Variants in FBXL7 observed in about 807,000 individuals in gnomAD.
FBXL7 encodes the protein F-box and leucine rich repeat protein 7, also known as F-box/LRR-repeat protein 7.
Under a neutral mutation model 38.3 loss-of-function variants are expected in FBXL7, and 12 were observed. That is an observed-to-expected ratio of 0.31 (90% CI 0.20 to 0.51). FBXL7 has a LOEUF of 0.51. FBXL7 is among the 20% of genes least tolerant of loss of function. The pLI is 0.98. For synonymous variants in FBXL7, 297 were observed against 300.9 expected (o/e 0.99, Z 0.13); for missense variants, 567 against 676.4 (o/e 0.84, Z 1.79).
intron 1 of FBXL7, among the ~76,000 whole-genome samples, chr5:15,535,767 C>G (rs1364592688): frequency 6.6e-6 from 1 of 152,168 alleles, no homozygotes; most frequent in Non-Finnish European, 1.5e-5. Context: ...AAATGTGAAG[C>G]CTGACTATGT....
At chr5:15,679,579 A>G (rs1742780053) in intron 2 of FBXL7, among the ~76,000 whole-genome samples, 1 of 136,604 alleles carries the variant, frequency 7.3e-6, no homozygotes, top group African/African-American at 2.8e-5. Context: ...TTTTTTTTTC[A>G]GAATGGTGTC....
chr5:15,537,748 G>A (rs1737627591), intron 1 of FBXL7, among the ~76,000 whole-genome samples: 1 of 152,226 alleles, frequency 6.6e-6, no homozygotes, highest in Non-Finnish European at 1.5e-5. Flanking sequence ...GCAAAAAGAT[G>A]TTGATTATTT....
At chr5:15,866,027 A>G (rs1739695370) in intron 2 of FBXL7, among the ~76,000 whole-genome samples, 1 of 152,222 alleles carries the variant, frequency 6.6e-6, no homozygotes, top group Non-Finnish European at 1.5e-5. Flanking sequence ...TAAAGATGAC[A>G]ACAATGGGAC....
intron 2 of FBXL7, among the ~76,000 whole-genome samples, chr5:15,660,809 G>A (rs1034738532): frequency 6.6e-6 from 1 of 152,124 alleles, no homozygotes; most frequent in African/African-American, 2.4e-5. Flanking sequence ...GCCAAGGTGG[G>A]CTGTTAAGAT....
At chr5:15,675,318 T>A (rs1297078445) in intron 2 of FBXL7, among the ~76,000 whole-genome samples, 3 of 152,236 alleles carry the variant, frequency 2.0e-5, no homozygotes, top group Non-Finnish European at 2.9e-5. Flanking sequence ...TTGTCCTGAA[T>A]CTAGGCATTA....
At position 15,937,533 on chromosome 5, in the gene FBXL7, C is replaced by A; in HGVS notation, c.*347C>A. Reference sequence around the variant, plus strand: ...CTTTCCCTCGCACACAGGCCCCACCCCCACAGTTCCACGCCCCCCCCCCAA... The same window carrying A: ...CTTTCCCTCGCACACAGGCCCCACCACCACAGTTCCACGCCCCCCCCCCAA... On this transcript the variant is annotated 3_prime_UTR_variant, in exon 4 of 4. Coordinates refer to ENST00000504595, the MANE Select transcript of FBXL7 (RefSeq NM_012304.5). 1 of 200,478 alleles carries A rather than the reference C, an allele frequency of 5.0e-6. No individual in the cohort carries two copies. Among genetic ancestry groups the A allele is most frequent in the Non-Finnish European group, 9.6e-6 (1 of 104,606 alleles). The allele number at this position is 200,478 out of a possible 1,614,324, so 12.4% of individuals were successfully genotyped here.
intron 2 of FBXL7, among the ~76,000 whole-genome samples, chr5:15,893,377 T>G (rs1740990950): frequency 6.6e-6 from 1 of 152,218 alleles, no homozygotes; most frequent in Admixed American, 6.5e-5. Flanking sequence ...TTTGTATTCA[T>G]TTTAATAATC....
In FBXL7 at chr5:15,500,429, C is replaced by G. The variant is rs1312562521; in HGVS notation, c.-248C>G. ...TGCGCGGCGCTGCGCCCGCCGGCCCCCAGCGCGGATTGTAAGTGCTGCAGC... is the reference window on the plus strand; with the variant it reads ...TGCGCGGCGCTGCGCCCGCCGGCCCGCAGCGCGGATTGTAAGTGCTGCAGC... On this transcript the variant is annotated 5_prime_UTR_variant, in exon 1 of 4. Transcript: ENST00000504595. 8.5e-6 allele frequency: 4 copies of G among 469,962 alleles called. No homozygotes were observed. The Admixed American group carries it at 1.4e-4, about 16-fold the overall frequency. The allele number at this position is 469,962 out of a possible 1,614,324, so 29.1% of individuals were successfully genotyped here.
At chr5:15,580,083 T>G (rs753128364) in intron 1 of FBXL7, among the ~76,000 whole-genome samples, 43 of 151,990 alleles carry the variant, frequency 2.8e-4, no homozygotes, top group Non-Finnish European at 4.3e-4. Flanking sequence ...GGTGGGGTCT[T>G]TGGGAGGTAA....
rs1238279137 is a variant in FBXL7, at chr5:15,574,795, A to G, written c.38-41188A>G. Among the ~76,000 whole-genome samples the G allele has an allele frequency of 3.9e-5, 6 of 152,208 alleles. No homozygotes were observed. In the East Asian group the frequency reaches 1.2e-3, roughly 29 times the overall value. ...TTAGGTCATTTGCTTTAAATGAAAT[A>G]CTAGTGCTTGTTGATGTAGGAATTG... On this transcript the variant is annotated intron_variant, in intron 1 of 3. Transcript: ENST00000504595.
chr5:15,899,709 A>G (rs1281614506), intron 2 of FBXL7, among the ~76,000 whole-genome samples: 1 of 152,186 alleles, frequency 6.6e-6, no homozygotes, highest in East Asian at 1.9e-4. Context: ...TGAAAGGGAA[A>G]TCTGAAACAA....
intron 2 of FBXL7, among the ~76,000 whole-genome samples, chr5:15,813,768 G>T (rs1173722539): frequency 6.6e-6 from 1 of 152,052 alleles, no homozygotes; most frequent in East Asian, 1.9e-4. Flanking sequence ...GTGGGTGAAG[G>T]ATATGAACAG....
chr5:15,632,659 A>G (rs868306330), intron 2 of FBXL7, among the ~76,000 whole-genome samples: 1 of 152,220 alleles, frequency 6.6e-6, no homozygotes, highest in South Asian at 2.1e-4. Context: ...AAAATGTGGT[A>G]TGTATACACC....
intron 2 of FBXL7, among the ~76,000 whole-genome samples, chr5:15,702,404 A>G (rs905057914): frequency 3.3e-5 from 5 of 152,158 alleles, no homozygotes; most frequent in African/African-American, 4.8e-5. Context: ...ATTGAAAGAC[A>G]ACAAAGTTCT....
At chr5:15,754,670 A>G (rs1406491837) in intron 2 of FBXL7, among the ~76,000 whole-genome samples, 1 of 152,216 alleles carries the variant, frequency 6.6e-6, no homozygotes, top group Non-Finnish European at 1.5e-5. Context: ...ATGAAATTAA[A>G]TAGGCTCTAG....
intron 2 of FBXL7, among the ~76,000 whole-genome samples, chr5:15,877,020 T>G (rs145430923): frequency 6.6e-6 from 1 of 152,196 alleles, no homozygotes; most frequent in Non-Finnish European, 1.5e-5. Context: ...TGAATTTGCT[T>G]TTTCTAGATA....
chr5:15,782,093 G>C (rs530286040), intron 2 of FBXL7, among the ~76,000 whole-genome samples: 3 of 152,150 alleles, frequency 2.0e-5, no homozygotes, highest in Admixed American at 2.0e-4. Context: ...TTGGTTTTCT[G>C]CTCCTTTGTT....
rs139386190 is a variant in FBXL7 at position 15,674,579 on chromosome 5, A to G, written c.127+58507A>G. ...ATAGCAGCACTCTACAAAGTTCATT[A>G]TCATAACTCATAGGGTTTGTAATTT... On this transcript the variant is annotated intron_variant, in intron 2 of 3. Coordinates refer to ENST00000504595, the MANE Select transcript of FBXL7 (RefSeq NM_012304.5). Among the ~76,000 whole-genome samples the G allele has an allele frequency of 7.2e-5, 11 of 152,278 alleles. No individual in the cohort carries two copies. In the East Asian group the frequency reaches 1.4e-3, roughly 19 times the overall value.
intron 2 of FBXL7, among the ~76,000 whole-genome samples, chr5:15,697,703 T>C (rs1005113426): frequency 3.3e-5 from 5 of 152,150 alleles, no homozygotes; most frequent in African/African-American, 1.2e-4. Flanking sequence ...CAGGAACTCA[T>C]TTGCTTCTCT....
Sources: gnomAD v4.1 joint callset for allele counts (sites outside exome capture counted in the v4.1 genomes callset) on GRCh38, gnomAD v4.1.1 for gene constraint, MANE v1.5 for transcripts, NCBI Gene and HGNC (gene_info 2026-07-23, HGNC 2026-07-21) for gene names.